Variants in ZNF483 observed in about 807,000 individuals in gnomAD.
ZNF483 encodes the protein zinc finger protein HIT-10.
In ZNF483, 9 loss-of-function variants were observed where a neutral mutation model predicts 28.6. That is an observed-to-expected ratio of 0.32 (90% confidence interval 0.19 to 0.55). The LOEUF is 0.55. Among genes scored for constraint, ZNF483 ranks in the 20% least tolerant of loss-of-function variants. ZNF483 has a pLI of 0.93. For missense variants in ZNF483, 675 were observed against 871.7 expected (o/e 0.77, Z 2.84); for synonymous variants, 322 against 306.2 (o/e 1.05, Z -0.54).
intron 5 of ZNF483, chr9:111,539,435 C>CT (rs1564595956): frequency 2.2e-6 from 1 of 455,812 alleles, no homozygotes; most frequent in African/African-American, 2.0e-5. Flanking sequence ...TTTTATGACT[C>CT]TGTTTTTTAG....
At chr9:111,530,802 C>CACAT (rs1554811942) in intron 2 of ZNF483, 73 bp from the exon 3 acceptor site, 1 of 44,618 alleles carries the variant, frequency 2.2e-5, no homozygotes, top group African/African-American at 1.3e-4. Flanking sequence ...TATATATATA[C>CACAT]ATATATATAT....
downstream of ZNF483, among the ~76,000 whole-genome samples, chr9:111,558,531 G>A (rs546083228): frequency 6.6e-6 from 1 of 152,216 alleles, no homozygotes; most frequent in South Asian, 2.1e-4. Context: ...AACTGAAAAT[G>A]TTGCAAGCTC....
At chr9:111,564,271 T>C in intron 5 of ZNF483, 1 of 777,898 alleles carries the variant, frequency 1.3e-6, no homozygotes, top group South Asian at 3.2e-5. Context: ...AGCTGAAATT[T>C]AAACTTTTAT....
At chr9:111,561,110 T>TATATATAGAGAGAGAG (rs1457364862) in intron 5 of ZNF483, among the ~76,000 whole-genome samples, 3 of 19,192 alleles carry the variant, frequency 1.6e-4, no homozygotes, top group African/African-American at 7.9e-4. Flanking sequence ...TATATATATA[T>TATATATAGAGAGAGAG]AGAGAGAGAG....
rs1827810412 is a variant in ZNF483, at chr9:111,546,492, T to C, written c.*3322T>C. 1.3e-5 allele frequency among the ~76,000 whole-genome samples: 2 copies of C among 152,190 alleles called. No individual in the cohort carries two copies. Among genetic ancestry groups the C allele is most frequent in the Admixed American group, 1.3e-4 (2 of 15,278 alleles). The stretch of plus-strand genomic sequence containing the variant: ...TTATCAAAAGGCTTTAAACGTCTTT[T>C]GATTCATTATAGGATTGCTTTTATG... On this transcript the variant is annotated 3_prime_UTR_variant, in exon 6 of 6. Transcript: ENST00000309235.
chr9:111,570,741 C>T (rs960305332), intron 5 of ZNF483, among the ~76,000 whole-genome samples: 5 of 151,802 alleles, frequency 3.3e-5, no homozygotes, highest in African/African-American at 4.8e-5. Context: ...ATCGTGCCAC[C>T]GCACTCCAGT....
Position 111,550,880 on chromosome 9 carries a change from C to T in ZNF483, c.*7710C>T, listed in dbSNP as rs1255632656. On this transcript the variant is annotated 3_prime_UTR_variant, in exon 6 of 6. Coordinates refer to ENST00000309235, the MANE Select transcript of ZNF483 (RefSeq NM_133464.5). The stretch of plus-strand genomic sequence containing the variant: ...TATAGTGTCTTTCTGTGTTATTCTG[C>T]TCCCTGCATTATCCCTGTTTCCTTT... Among the ~76,000 whole-genome samples, 1 of 152,128 alleles carries T rather than the reference C, an allele frequency of 6.6e-6. No homozygotes were observed. The highest frequency in any genetic ancestry group is 1.5e-5 in the Non-Finnish European group (1 of 68,036).
rs940471497 is a variant in ZNF483, at chr9:111,551,822, A to G, written c.*8652A>G. The stretch of plus-strand genomic sequence containing the variant: ...TTTAAGTAAATTCAGTAACATATCA[A>G]TTCAGTTTATTAGCATCAAATTTGA... On this transcript the variant is annotated 3_prime_UTR_variant, in exon 6 of 6. Coordinates refer to ENST00000309235, the MANE Select transcript of ZNF483 (RefSeq NM_133464.5). Among the ~76,000 whole-genome samples, 4 of 152,202 alleles carry G rather than the reference A, an allele frequency of 2.6e-5. No individual in the cohort carries two copies. Among genetic ancestry groups the G allele is most frequent in the African/African-American group, 4.8e-5 (2 of 41,442 alleles).
intron 5 of ZNF483, among the ~76,000 whole-genome samples, chr9:111,564,844 C>T (rs985966290): frequency 1.3e-5 from 2 of 151,976 alleles, no homozygotes; most frequent in African/African-American, 2.4e-5. Flanking sequence ...AATTAAGAGG[C>T]CGGGCGCAGT....
chr9:111,571,337 G>A (rs1440367836), intron 5 of ZNF483, among the ~76,000 whole-genome samples: 2 of 149,606 alleles, frequency 1.3e-5, no homozygotes, highest in African/African-American at 2.4e-5. Flanking sequence ...GCTTGAAGTC[G>A]GAAGGGGACT....
At chr9:111,569,872 C>T in intron 5 of ZNF483, 1 of 646,678 alleles carries the variant, frequency 1.5e-6, no homozygotes. Flanking sequence ...GGGAAATGGA[C>T]CTGCATTTGC....
rs1260936899 is a variant in ZNF483 at position 111,550,367 on chromosome 9, C to T, written c.*7197C>T. 6.6e-6 allele frequency among the ~76,000 whole-genome samples: 1 copy of T among 152,148 alleles called. No individual in the cohort carries two copies. The highest frequency in any genetic ancestry group is 1.5e-5 in the Non-Finnish European group (1 of 68,030). The stretch of plus-strand genomic sequence containing the variant: ...CAGAAGTAGATATCTGCAATCAGAA[C>T]CCTGATATTTGGAGGAAGTGGCTAT... On this transcript the variant is annotated 3_prime_UTR_variant, in exon 6 of 6. Transcript: ENST00000309235.
At position 111,543,461 on chromosome 9, in the gene ZNF483, C is replaced by T; in HGVS notation, c.*291C>T. On this transcript the variant is annotated 3_prime_UTR_variant, in exon 6 of 6. Transcript: ENST00000309235. ...ATTTCTCTCTGATTTCTTCTACTAC[C>T]ATGTAGTGTGATGGAGAGAACTTGA... The T allele has an allele frequency of 8.9e-7, 1 of 1,126,310 alleles. No homozygotes were observed. Among genetic ancestry groups the T allele is most frequent in the Non-Finnish European group, 1.1e-6 (1 of 918,822 alleles). The allele number at this position is 1,126,310 out of a possible 1,614,324, so 69.8% of individuals were successfully genotyped here. A position where few individuals can be genotyped will look rare whatever the true frequency, so the allele number is the denominator to read the frequency against.
intron 5 of ZNF483, among the ~76,000 whole-genome samples, chr9:111,536,397 C>T (rs980161044): frequency 2.6e-5 from 4 of 151,784 alleles, no homozygotes; most frequent in East Asian, 1.9e-4. Flanking sequence ...TGGTGGTGGG[C>T]GCCTGTAATC....
chr9:111,536,873 A>T (rs1827518547), intron 5 of ZNF483, among the ~76,000 whole-genome samples: 1 of 152,184 alleles, frequency 6.6e-6, no homozygotes, highest in African/African-American at 2.4e-5. Context: ...GAAAAATGCT[A>T]TTAAGACAAG....
In ZNF483 at chr9:111,544,221, G is replaced by A; in HGVS notation, c.*1051G>A. ...GACAGAGCTATTCTGGATGGATTTTGGTTTGCAAAAATTCTACTTTAAAAC... is the reference window on the plus strand; with the variant it reads ...GACAGAGCTATTCTGGATGGATTTTAGTTTGCAAAAATTCTACTTTAAAAC... On this transcript the variant is annotated 3_prime_UTR_variant, in exon 6 of 6. Coordinates refer to ENST00000309235, the MANE Select transcript of ZNF483 (RefSeq NM_133464.5). 2 of 985,332 alleles carry A rather than the reference G, an allele frequency of 2.0e-6. No homozygotes were observed. The highest frequency in any genetic ancestry group is 2.4e-6 in the Non-Finnish European group (2 of 829,936). The allele number at this position is 985,332 out of a possible 1,614,324, so 61.0% of individuals were successfully genotyped here. A position where few individuals can be genotyped will look rare whatever the true frequency, so the allele number is the denominator to read the frequency against.
At chr9:111,570,157 G>C in intron 5 of ZNF483, 1 of 1,614,082 alleles carries the variant, frequency 6.2e-7, no homozygotes, top group African/African-American at 1.3e-5. Context: ...AGCGGTAGAC[G>C]ACAAAAGCTT....
intron 4 of ZNF483, 141 bp from the exon 5 acceptor site, chr9:111,534,120 G>C (rs1827418023): frequency 2.5e-6 from 2 of 808,224 alleles, no homozygotes; most frequent in Non-Finnish European, 4.0e-6. Context: ...TCCCATTTTT[G>C]TCTCAAGTTC....
intron 5 of ZNF483, among the ~76,000 whole-genome samples, chr9:111,567,768 G>T (rs971128203): frequency 1.3e-5 from 2 of 152,168 alleles, no homozygotes; most frequent in Admixed American, 6.5e-5. Context: ...TGTCTATAGG[G>T]ATGCAAAGAT....
Sources: allele counts gnomAD v4.1 joint callset (sites outside exome capture counted in the v4.1 genomes callset), GRCh38; gene constraint gnomAD v4.1.1; transcripts MANE v1.5; gene names NCBI Gene and HGNC (gene_info 2026-07-23, HGNC 2026-07-21).